Variants in PDCD1LG2 observed in about 807,000 individuals in gnomAD.
PDCD1LG2 encodes B7 dendritic cell molecule.
A neutral mutation model predicts 28.2 loss-of-function variants in PDCD1LG2; 32 were observed. The ratio of observed to expected loss-of-function variants is 1.13; its 90% CI spans 0.86 to 1.52. The LOEUF (loss-of-function observed/expected upper bound fraction) is 1.52. Ranked by LOEUF, PDCD1LG2 falls within the 40% of genes most tolerant of loss-of-function variation. PDCD1LG2 has a pLI of 0.00. For missense variants in PDCD1LG2, 385 were observed against 323.8 expected (o/e 1.19, Z -1.45); for synonymous variants, 116 against 120.2 (o/e 0.97, Z 0.23).
At chr9:5,523,565 A>T (rs1820317372) in intron 2 of PDCD1LG2, among the ~76,000 whole-genome samples, 1 of 152,174 alleles carries the variant, frequency 6.6e-6, no homozygotes, top group African/African-American at 2.4e-5. Flanking sequence ...GGCCCTCCTC[A>T]AAGGAAGACC....
At position 5,555,571 on chromosome 9, in the gene PDCD1LG2, C is replaced by T. The variant is rs951576169; in HGVS notation, c.632-2047C>T. Among the ~76,000 whole-genome samples, 5 of 152,192 alleles carry T rather than the reference C, an allele frequency of 3.3e-5. No individual in the cohort carries two copies. In the East Asian group the frequency reaches 7.7e-4, roughly 23 times the overall value. ...TGAGAAGCGAGACAGAAGTATCTTT[C>T]GTTCCATGTAACACTCAGGTGGTTC... is the stretch of plus-strand genomic sequence containing the variant. On this transcript the variant is annotated intron_variant, in intron 4 of 6. Coordinates refer to ENST00000397747, the MANE Select transcript of PDCD1LG2 (RefSeq NM_025239.4).
At chr9:5,514,968 C>A (rs1003812729) in intron 1 of PDCD1LG2, among the ~76,000 whole-genome samples, 3 of 152,000 alleles carry the variant, frequency 2.0e-5, no homozygotes, top group Non-Finnish European at 2.9e-5. Context: ...CAGGCAAGAT[C>A]TTAGTGAAGT....
At chr9:5,547,261 C>G (rs1816229956) in intron 3 of PDCD1LG2, among the ~76,000 whole-genome samples, 1 of 152,144 alleles carries the variant, frequency 6.6e-6, no homozygotes, top group Non-Finnish European at 1.5e-5. Context: ...AAAGTTGTAT[C>G]ACACCTCTGC....
chr9:5,545,148 TCTAA>T (rs1288705283), intron 3 of PDCD1LG2, among the ~76,000 whole-genome samples: 1 of 152,242 alleles, frequency 6.6e-6, no homozygotes, highest in Non-Finnish European at 1.5e-5. Context: ...GTTCTAGACA[TCTAA>T]CTAATTATTT....
Position 5,570,015 on chromosome 9 carries a change from A to T in PDCD1LG2, c.*56A>T, listed in dbSNP as rs778278741. ...ATATGACATCTAAAGAAGCTTCTGG[A>T]CTCTGAACAAGAATTCGGTGGCCTG... On this transcript the variant is annotated 3_prime_UTR_variant, in exon 7 of 7. Transcript: ENST00000397747. The T allele has an allele frequency of 6.2e-7, 1 of 1,612,152 alleles. No homozygotes were observed. The highest frequency in any genetic ancestry group is 8.5e-7 in the Non-Finnish European group (1 of 1,178,314).
intron 3 of PDCD1LG2, among the ~76,000 whole-genome samples, chr9:5,537,995 A>G (rs939040626): frequency 6.6e-6 from 1 of 152,244 alleles, no homozygotes; most frequent in Non-Finnish European, 1.5e-5. Flanking sequence ...ACATATAACG[A>G]TAATCAATAC....
intron 3 of PDCD1LG2, among the ~76,000 whole-genome samples, chr9:5,547,520 T>G (rs1816235831): frequency 6.6e-6 from 1 of 152,232 alleles, no homozygotes; most frequent in African/African-American, 2.4e-5. Flanking sequence ...CCTATTTTAC[T>G]TATTTTTAAA....
Position 5,549,666 on chromosome 9 carries a change from T to C in PDCD1LG2, c.631+62T>C. 7 of 1,582,150 alleles carry C rather than the reference T, an allele frequency of 4.4e-6. No homozygotes were observed. The South Asian group carries it at 6.8e-5, about 15-fold the overall frequency. On this transcript the variant is annotated intron_variant, in intron 4 of 6. Transcript: ENST00000397747. Reference sequence around the variant, plus strand: ...GGGTTCAGACAAGAAACAGATGGCATACTCGAGTGATTTGAGGAGAGTGTA... The same window carrying C: ...GGGTTCAGACAAGAAACAGATGGCACACTCGAGTGATTTGAGGAGAGTGTA...
At chr9:5,545,599 T>G (rs1052855803) in intron 3 of PDCD1LG2, among the ~76,000 whole-genome samples, 5 of 152,232 alleles carry the variant, frequency 3.3e-5, no homozygotes, top group African/African-American at 9.6e-5. Context: ...ATCCTAAATG[T>G]GTGTCCATTT....
chr9:5,565,219 A>G (rs918017720), intron 6 of PDCD1LG2, among the ~76,000 whole-genome samples: 4 of 152,158 alleles, frequency 2.6e-5, no homozygotes, highest in African/African-American at 4.8e-5. Flanking sequence ...GTCTTGCTCT[A>G]TCACCCAGGT....
rs78143628 is a variant in PDCD1LG2 at position 5,567,471 on chromosome 9, C to G, written c.817-2483C>G. 2.0e-3 allele frequency among the ~76,000 whole-genome samples: 302 copies of G among 152,300 alleles called. 3 individuals carry two copies. The East Asian group carries it at 0.036, about 18-fold the overall frequency. ...CCTCTTATGCAGACAAGCAGATAAA[C>G]AGTAAAACTTTAGGAGTGGATTATG... On this transcript the variant is annotated intron_variant, in intron 6 of 6. Transcript: ENST00000397747.
intron 3 of PDCD1LG2, among the ~76,000 whole-genome samples, chr9:5,546,961 A>G (rs774590205): frequency 6.6e-6 from 1 of 152,058 alleles, no homozygotes. Flanking sequence ...TCTCTAGTGA[A>G]CCCAGATCTA....
At chr9:5,525,029 A>C (rs866473062) in intron 2 of PDCD1LG2, among the ~76,000 whole-genome samples, 2 of 152,186 alleles carry the variant, frequency 1.3e-5, no homozygotes, top group African/African-American at 4.8e-5. Flanking sequence ...ATCAGTGCAC[A>C]TTTCTTTTCT....
At chr9:5,516,540 AC>A (rs377616027) in intron 1 of PDCD1LG2, among the ~76,000 whole-genome samples, 1 of 152,214 alleles carries the variant, frequency 6.6e-6, no homozygotes, top group African/African-American at 2.4e-5. Flanking sequence ...CAGGGACCTA[AC>A]CCCTTTCCGC....
At chr9:5,539,666 C>T (rs980512396) in intron 3 of PDCD1LG2, among the ~76,000 whole-genome samples, 1 of 152,086 alleles carries the variant, frequency 6.6e-6, no homozygotes, top group Admixed American at 6.5e-5. Flanking sequence ...GCCCCAGGAG[C>T]CCAGGGGTCT....
At chr9:5,512,997 C>T (rs1820090130) in intron 1 of PDCD1LG2, among the ~76,000 whole-genome samples, 1 of 152,070 alleles carries the variant, frequency 6.6e-6, no homozygotes, top group Admixed American at 6.6e-5. Flanking sequence ...GCCTTGTTAC[C>T]AAACATCTAG....
intron 4 of PDCD1LG2, among the ~76,000 whole-genome samples, chr9:5,556,924 C>T (rs543671112): frequency 5.2e-4 from 79 of 152,138 alleles, no homozygotes; most frequent in Non-Finnish European, 1.0e-3. Context: ...TCTGATCCAC[C>T]CTCTACTAAA....
Position 5,523,512 on chromosome 9 carries a change from T to C in PDCD1LG2, c.55+911T>C, listed in dbSNP as rs74647849. 2.9e-4 allele frequency among the ~76,000 whole-genome samples: 44 copies of C among 152,310 alleles called. No homozygotes were observed. In the East Asian group the frequency reaches 8.1e-3, roughly 28 times the overall value. ...ACCCAGTCACATTCCTCTCACTCACTTGAGCTGCCCAGCCTGGTCTGGCAC... is the reference window on the plus strand; with the variant it reads ...ACCCAGTCACATTCCTCTCACTCACCTGAGCTGCCCAGCCTGGTCTGGCAC... On this transcript the variant is annotated intron_variant, in intron 2 of 6. Coordinates refer to ENST00000397747, the MANE Select transcript of PDCD1LG2 (RefSeq NM_025239.4).
chr9:5,555,490 G>T (rs1262408910), intron 4 of PDCD1LG2, among the ~76,000 whole-genome samples: 1 of 152,088 alleles, frequency 6.6e-6, no homozygotes, highest in Non-Finnish European at 1.5e-5. Context: ...CAACTTAGAG[G>T]AATATGTATG....
Sources: allele counts gnomAD v4.1 joint callset (sites outside exome capture counted in the v4.1 genomes callset), GRCh38; gene constraint gnomAD v4.1.1; transcripts MANE v1.5; gene names NCBI Gene and HGNC (gene_info 2026-07-23, HGNC 2026-07-21).